HTR7: variants seen among roughly 807,000 people sequenced by gnomAD.
HTR7 encodes 5-HT-7.
HTR7 carries 16 observed loss-of-function variants against 34.0 expected under a neutral mutation model. The ratio of observed to expected loss-of-function variants is 0.47; its 90% confidence interval spans 0.32 to 0.71. The LOEUF (loss-of-function observed/expected upper bound fraction) is 0.71, where lower values mean the gene tolerates loss of function less well. HTR7 is among the 30% of genes least tolerant of loss of function. The pLI, the probability that HTR7 is intolerant of heterozygous loss-of-function variation, is 0.04. For missense variants in HTR7, 504 were observed against 625.5 expected, an observed-to-expected ratio of 0.81 and a Z score of 2.07; for synonymous variants, 265 against 260.2, an observed-to-expected ratio of 1.02 and a Z score of -0.18.
At chr10:90,803,213 T>C (rs1845656710) in intron 1 of HTR7, among the ~76,000 whole-genome samples, 1 of 152,044 alleles carries the variant, frequency 6.6e-6, no homozygotes, top group Non-Finnish European at 1.5e-5. Context: ...AAAGTACACT[T>C]GGAAGAGGGC....
rs1361641188 is a variant in HTR7 at position 90,749,579 on chromosome 10, T to C, written c.555A>G (p.Thr185=). 1 of 1,610,400 alleles carries C rather than the reference T, an allele frequency of 6.2e-7. No homozygotes were observed. The highest frequency in any genetic ancestry group is 2.2e-5 in the East Asian group (1 of 44,824). ...VISIDRYLGI[T]RPLTYPVRQN... ...GCCTCACAGGGTATGTGAGGGGCCT[T>C]GTGATCCCAAGGTACCTAGTGGAGA... Residue 185 remains threonine, a synonymous_variant, in exon 2 of 4, where the codon ACA becomes ACG. Transcript: ENST00000336152. The surrounding 1 kb of genome is among the most constrained non-coding windows in gnomAD (Gnocchi z 4.2).
At chr10:90,841,788 C>G (rs1238287883) in intron 1 of HTR7, among the ~76,000 whole-genome samples, 1 of 152,028 alleles carries the variant, frequency 6.6e-6, no homozygotes, top group Non-Finnish European at 1.5e-5. Flanking sequence ...TCACTTGAAG[C>G]TAGGAGCTCA....
intron 1 of HTR7, among the ~76,000 whole-genome samples, chr10:90,830,501 G>A (rs1846150060): frequency 1.3e-5 from 2 of 152,100 alleles, no homozygotes; most frequent in Admixed American, 1.3e-4. Flanking sequence ...AGAAAGATTT[G>A]GCCAGCCAGG....
chr10:90,819,628 T>C (rs1845947761), intron 1 of HTR7, among the ~76,000 whole-genome samples: 2 of 152,204 alleles, frequency 1.3e-5, no homozygotes, highest in African/African-American at 4.8e-5. Flanking sequence ...TCACTTCTAA[T>C]TGTCCTCTTG....
chr10:90,826,829 C>CG (rs1846083754), intron 1 of HTR7, among the ~76,000 whole-genome samples: 1 of 151,568 alleles, frequency 6.6e-6, no homozygotes, highest in African/African-American at 2.4e-5. Context: ...CCCAGCTGCT[C>CG]GGGAGGCTGA....
chr10:90,849,032 C>T (rs1242465948), intron 1 of HTR7, among the ~76,000 whole-genome samples: 1 of 152,238 alleles, frequency 6.6e-6, no homozygotes, highest in African/African-American at 2.4e-5. Flanking sequence ...AAATAGCATT[C>T]TGTTGTATGA....
Position 90,812,287 on chromosome 10 carries a change from C to T in HTR7, c.539+44846G>A, listed in dbSNP as rs556690364. Reference sequence around the variant, plus strand: ...TAGTCATACTCCTATTCACCATTCTCAGCTACTCATACATGCCCTGCTCTT... The same window carrying T: ...TAGTCATACTCCTATTCACCATTCTTAGCTACTCATACATGCCCTGCTCTT... On this transcript the variant is annotated intron_variant, in intron 1 of 3. Transcript: ENST00000336152. Among the ~76,000 whole-genome samples the T allele has an allele frequency of 7.2e-3, 1,096 of 152,226 alleles. 15 individuals carry two copies. The highest frequency in any genetic ancestry group is 0.024 in the African/African-American group (1,013 of 41,500).
intron 1 of HTR7, among the ~76,000 whole-genome samples, chr10:90,775,418 G>T (rs917274676): frequency 2.0e-5 from 3 of 152,186 alleles, no homozygotes; most frequent in Non-Finnish European, 4.4e-5. Flanking sequence ...GCTGTGTGAA[G>T]ATGTTGAGGA....
At chr10:90,802,464 T>C (rs557406970) in intron 1 of HTR7, among the ~76,000 whole-genome samples, 1 of 152,312 alleles carries the variant, frequency 6.6e-6, no homozygotes, top group Admixed American at 6.5e-5. Context: ...TCCAGGAATA[T>C]ATGGTAAAAA....
chr10:90,831,562 G>C (rs934380562), intron 1 of HTR7, among the ~76,000 whole-genome samples: 8 of 152,216 alleles, frequency 5.3e-5, no homozygotes, highest in Admixed American at 5.2e-4. Flanking sequence ...ACTGTGGAAA[G>C]GGACCCCAGC....
At chr10:90,841,223 T>G (rs1470300980) in intron 1 of HTR7, among the ~76,000 whole-genome samples, 2 of 152,250 alleles carry the variant, frequency 1.3e-5, no homozygotes, top group Non-Finnish European at 2.9e-5. Context: ...AATGCACAGT[T>G]AAGACTACTT....
Position 90,813,809 on chromosome 10 carries a change from T to TG in HTR7, c.539+43323dup, listed in dbSNP as rs1236555557. 5.9e-5 allele frequency among the ~76,000 whole-genome samples: 9 copies of TG among 152,178 alleles called. 1 individual carries two copies. The highest frequency in any genetic ancestry group is 1.9e-4 in the African/African-American group (8 of 41,452). On this transcript the variant is annotated intron_variant, in intron 1 of 3. Coordinates refer to ENST00000336152, the MANE Select transcript of HTR7 (RefSeq NM_019859.4). ...CAGTAAGGAAAAGACAGCATGGCGC[T>TG]GGCCAGGCAAAGACTCCATTTGCCT...
Position 90,807,365 on chromosome 10 carries a change from A to G in HTR7, c.539+49768T>C, listed in dbSNP as rs182495778. On this transcript the variant is annotated intron_variant, in intron 1 of 3. Transcript: ENST00000336152. ...GTACACACCCAGATGGCCTGAAGTA[A>G]CTGAAGAATCACAAAAGAAGTGAAT... Among the ~76,000 whole-genome samples, 387 of 152,326 alleles carry G rather than the reference A, an allele frequency of 2.5e-3. 2 individuals carry two copies. The highest frequency in any genetic ancestry group is 8.9e-3 in the African/African-American group (371 of 41,586).
chr10:90,780,263 C>T (rs1325741643), intron 1 of HTR7, among the ~76,000 whole-genome samples: 1 of 151,952 alleles, frequency 6.6e-6, no homozygotes, highest in Non-Finnish European at 1.5e-5. Context: ...CGGCCGGGCG[C>T]GGTGGCTCAT....
chr10:90,770,399 T>C (rs966115224), intron 1 of HTR7, among the ~76,000 whole-genome samples: 2 of 152,042 alleles, frequency 1.3e-5, no homozygotes, highest in South Asian at 2.1e-4. Context: ...CAAGGAGGCA[T>C]AGCCTGGGCT....
intron 1 of HTR7, among the ~76,000 whole-genome samples, chr10:90,783,911 C>A (rs573226927): frequency 2.6e-5 from 4 of 152,220 alleles, no homozygotes; most frequent in African/African-American, 9.6e-5. Flanking sequence ...CTAGGTTGGT[C>A]CACCGGGGAA....
At chr10:90,752,121 T>C (rs1844748453) in intron 1 of HTR7, among the ~76,000 whole-genome samples, 1 of 152,178 alleles carries the variant, frequency 6.6e-6, no homozygotes. Context: ...AATAAGGTAG[T>C]TATATTTACT....
intron 2 of HTR7, among the ~76,000 whole-genome samples, 160 bp downstream of exon 2, chr10:90,748,679 T>G (rs1844678822): frequency 6.6e-6 from 1 of 152,212 alleles, no homozygotes; most frequent in Non-Finnish European, 1.5e-5. Context: ...GGAATTTTAC[T>G]GGGTGGAAGA....
At chr10:90,759,829 G>C in intron 1 of HTR7, among the ~76,000 whole-genome samples, 1 of 152,198 alleles carries the variant, frequency 6.6e-6, no homozygotes, top group Non-Finnish European at 1.5e-5. Flanking sequence ...AAGCAAGGTA[G>C]GATACAGTGT....
Sources: allele counts gnomAD v4.1 joint callset (sites outside exome capture counted in the v4.1 genomes callset), GRCh38; gene constraint gnomAD v4.1.1; non-coding constraint Gnocchi (gnomAD v3.1); transcripts MANE v1.5; gene names NCBI Gene and HGNC (gene_info 2026-07-23, HGNC 2026-07-21).